The following FAR2 variants were observed in gnomAD, a reference collection of about 807,000 sequenced individuals.
FAR2 encodes the protein epididymis secretory protein Li 81.
FAR2 carries 19 observed loss-of-function variants against 56.0 expected under a neutral mutation model. The ratio of observed to expected loss-of-function variants is 0.34; its 90% CI spans 0.24 to 0.50. The LOEUF is 0.50. FAR2 is among the 20% of genes least tolerant of loss of function. The pLI, the probability that FAR2 is intolerant of heterozygous loss-of-function variation, is 0.98. For synonymous variants in FAR2, 219 were observed against 218.8 expected, an observed-to-expected ratio of 1.00 and a Z score of -0.01; for missense variants, 508 against 642.2, an observed-to-expected ratio of 0.79 and a Z score of 2.26.
At chr12:29,203,463 A>C (rs4930859) in intron 1 of FAR2, among the ~76,000 whole-genome samples, 112,179 of 152,028 alleles carry the variant, frequency 0.74, 43,477 homozygotes, top group East Asian at 0.91. Flanking sequence ...CTGGTGTGAA[A>C]TGTAATTAGT....
intron 1 of FAR2, among the ~76,000 whole-genome samples, chr12:29,158,192 C>T (rs1309932840): frequency 6.6e-6 from 1 of 151,950 alleles, no homozygotes; most frequent in African/African-American, 2.4e-5. Context: ...AGTAAAAAAA[C>T]CAACTTTGTA....
intron 1 of FAR2, among the ~76,000 whole-genome samples, chr12:29,257,139 C>G (rs919253180): frequency 6.6e-6 from 1 of 152,234 alleles, no homozygotes; most frequent in African/African-American, 2.4e-5. Context: ...ACCTTTGTGT[C>G]TAGCTCAGGG....
chr12:29,320,019 T>C (rs1393174722), intron 9 of FAR2, among the ~76,000 whole-genome samples: 2 of 152,060 alleles, frequency 1.3e-5, no homozygotes, highest in Non-Finnish European at 2.9e-5. Flanking sequence ...CTAGGCAACA[T>C]AGTGAGACCC....
intron 10 of FAR2, among the ~76,000 whole-genome samples, chr12:29,322,940 T>C (rs1426893933): frequency 6.6e-6 from 1 of 152,204 alleles, no homozygotes; most frequent in African/African-American, 2.4e-5. Flanking sequence ...TCACCCACTG[T>C]CCTGCACCCA....
At chr12:29,185,273 A>G (rs1257523919) in intron 1 of FAR2, among the ~76,000 whole-genome samples, 1 of 152,204 alleles carries the variant, frequency 6.6e-6, no homozygotes, top group Non-Finnish European at 1.5e-5. Context: ...ATTAAATAAC[A>G]CCAGATTCTA....
intron 1 of FAR2, among the ~76,000 whole-genome samples, chr12:29,202,044 G>A (rs1385340589): frequency 6.6e-6 from 1 of 152,072 alleles, no homozygotes; most frequent in African/African-American, 2.4e-5. Flanking sequence ...TTGTGTATTT[G>A]ATATAATTTT....
chr12:29,228,676 C>T lies in FAR2; in HGVS notation c.-38-41736C>T, dbSNP rs530503601. Among the ~76,000 whole-genome samples, 3 of 152,280 alleles carry T rather than the reference C, an allele frequency of 2.0e-5. No homozygotes were observed. The East Asian group carries it at 5.8e-4, about 29-fold the overall frequency. ...AGTCTCGACTCACTGCAGTCTCTGC[C>T]TCCTGGGTTCAAGCCATTCTCCCAC... On this transcript the variant is annotated intron_variant, in intron 1 of 11. Coordinates refer to ENST00000536681, the MANE Select transcript of FAR2 (RefSeq NM_001271783.2).
At chr12:29,275,525 G>A (rs2136715441) in intron 2 of FAR2, among the ~76,000 whole-genome samples, 1 of 152,214 alleles carries the variant, frequency 6.6e-6, no homozygotes, top group South Asian at 2.1e-4. Context: ...CTAGATCCCT[G>A]AGGAATCGCC....
rs184375580 is a variant in FAR2, at chr12:29,321,875, C to T, written c.1208C>T (p.Thr403Met). The change falls in exon 10 of 12, where the codon ACG (threonine) becomes ATG (methionine). Residue 403 changes from threonine (T) to methionine (M), a missense_variant. Transcript: ENST00000536681. ...YFINRSWEWS[T>M]YNTEMLMSEL... The stretch of plus-strand genomic sequence containing the variant: ...ATCAACCGGAGTTGGGAATGGAGCA[C>T]GTACAATACAGAAATGCTGATGTCT... 5.1e-5 allele frequency: 82 copies of T among 1,613,510 alleles called. No individual in the cohort carries two copies. Among genetic ancestry groups the T allele is most frequent in the East Asian group, 1.3e-4 (6 of 44,858 alleles).
intron 1 of FAR2, among the ~76,000 whole-genome samples, chr12:29,215,680 T>G (rs1316897030): frequency 6.6e-6 from 1 of 152,232 alleles, no homozygotes; most frequent in Non-Finnish European, 1.5e-5. Context: ...TCATTAAATA[T>G]TTTAGAATCC....
chr12:29,168,679 G>A (rs12310732), intron 1 of FAR2, among the ~76,000 whole-genome samples: 26,276 of 152,090 alleles, frequency 0.17, 2,438 homozygotes, highest in South Asian at 0.28. Context: ...TGGTGGGTTT[G>A]TGGTCTCGCT....
At chr12:29,332,346 A>G (rs1302498190) in intron 10 of FAR2, among the ~76,000 whole-genome samples, 2 of 152,188 alleles carry the variant, frequency 1.3e-5, no homozygotes, top group African/African-American at 4.8e-5. Context: ...ATGTAATACT[A>G]TTTCCTTTAA....
intron 1 of FAR2, among the ~76,000 whole-genome samples, chr12:29,252,802 G>C (rs1039009049): frequency 3.9e-5 from 6 of 152,174 alleles, no homozygotes; most frequent in Admixed American, 3.9e-4. Flanking sequence ...GTTGACACGG[G>C]GTGGACTTGT....
At chr12:29,194,892 A>C (rs1372144379) in intron 1 of FAR2, among the ~76,000 whole-genome samples, 1 of 152,162 alleles carries the variant, frequency 6.6e-6, no homozygotes, top group African/African-American at 2.4e-5. Flanking sequence ...CAGGGTGTTC[A>C]GATTAGCAAG....
chr12:29,242,654 T>C (rs888348715), intron 1 of FAR2, among the ~76,000 whole-genome samples: 2 of 152,222 alleles, frequency 1.3e-5, no homozygotes, highest in Admixed American at 6.5e-5. Context: ...TGAATTGCAT[T>C]TGTCTGCAAA....
At chr12:29,181,219 A>G (rs1263157720) in intron 1 of FAR2, among the ~76,000 whole-genome samples, 3 of 152,214 alleles carry the variant, frequency 2.0e-5, no homozygotes, top group Non-Finnish European at 2.9e-5. Context: ...GTAGAATTAC[A>G]CACTAAAGGT....
At chr12:29,241,707 C>T (rs1948038916) in intron 1 of FAR2, among the ~76,000 whole-genome samples, 2 of 152,088 alleles carry the variant, frequency 1.3e-5, no homozygotes, top group Admixed American at 6.5e-5. Flanking sequence ...AAATAAAAAG[C>T]AGGGCAAACA....
At chr12:29,266,121 C>T (rs1948511986) in intron 1 of FAR2, among the ~76,000 whole-genome samples, 1 of 151,914 alleles carries the variant, frequency 6.6e-6, no homozygotes, top group South Asian at 2.1e-4. Context: ...CCTCAAAAAA[C>T]AAAAAATGTA....
intron 1 of FAR2, among the ~76,000 whole-genome samples, chr12:29,232,888 G>A (rs1192823837): frequency 1.3e-5 from 2 of 151,330 alleles, no homozygotes; most frequent in Non-Finnish European, 2.9e-5. Context: ...TATTCCCTTG[G>A]CCACACTATG....
Sources: allele counts gnomAD v4.1 joint callset (sites outside exome capture counted in the v4.1 genomes callset), GRCh38; gene constraint gnomAD v4.1.1; transcripts MANE v1.5; gene names NCBI Gene and HGNC (gene_info 2026-07-23, HGNC 2026-07-21).